Variants in DHRSX observed in about 807,000 individuals in gnomAD.
The protein encoded by DHRSX is dehydrogenase/reductase X-linked, also known as polyprenol dehydrogenase.
A neutral mutation model predicts 34.0 loss-of-function variants in DHRSX; 31 were observed. The observed-to-expected ratio is 0.91, with a 90% CI of 0.69 to 1.23. The LOEUF is 1.23. DHRSX is among the 50% of genes most tolerant of loss of function. The pLI, the probability that DHRSX is intolerant of heterozygous loss-of-function variation, is 0.00. For missense variants in DHRSX, 414 were observed against 428.1 expected (o/e 0.97, Z 0.29); for synonymous variants, 201 against 183.8 (o/e 1.09, Z -0.76).
chrX:2,225,856 G>A (rs756239031), intron 6 of DHRSX, among the ~76,000 whole-genome samples: 31 of 152,130 alleles, frequency 2.0e-4, no homozygotes, highest in African/African-American at 7.0e-4. Context: ...AACGTCTGTT[G>A]TTTATAAGCC....
rs772130158 is a variant in DHRSX, at chrX:2,376,087, T to C, written c.286+32658A>G. On this transcript the variant is annotated intron_variant, in intron 3 of 6. Transcript: ENST00000334651. ...ATTTTCCTAGGGGCTCTTGTTCTGG[T>C]AGAAGAACAACTTCCCGCTGCCTGC... 2.2e-5 allele frequency among the ~76,000 whole-genome samples: 3 copies of C among 137,764 alleles called. 1 individual carries two copies. The South Asian group carries it at 6.9e-4, about 31-fold the overall frequency. 90.4% of individuals were successfully genotyped at this position (137,764 alleles called of 152,430 possible).
At chrX:2,449,508 T>G (rs2044187810) in intron 1 of DHRSX, among the ~76,000 whole-genome samples, 1 of 152,138 alleles carries the variant, frequency 6.6e-6, no homozygotes, top group Non-Finnish European at 1.5e-5. Flanking sequence ...TTATTGTGGT[T>G]GAGACAGGGT....
chrX:2,429,990 G>C lies in DHRSX; in HGVS notation c.110-4686C>G, dbSNP rs35896095. Among the ~76,000 whole-genome samples the C allele has an allele frequency of 5.9e-3, 897 of 152,264 alleles. 4 individuals carry two copies. The highest frequency in any genetic ancestry group is 0.02 in the Middle Eastern group (6 of 294). On this transcript the variant is annotated intron_variant, in intron 1 of 6. Transcript: ENST00000334651. ...ACACAAACAATTGGCAGGTTAAAAA[G>C]GTAGGGGAAGAGACAGTCCTGCTTA...
chrX:2,479,553 G>T (rs1165643082), intron 1 of DHRSX, among the ~76,000 whole-genome samples: 2 of 147,972 alleles, frequency 1.4e-5, no homozygotes, highest in Admixed American at 1.4e-4. Flanking sequence ...TGTGCACACT[G>T]AAGACATTCC....
At chrX:2,328,086 A>AAAAAAAAT (rs1211866075) in intron 3 of DHRSX, among the ~76,000 whole-genome samples, 1 of 151,424 alleles carries the variant, frequency 6.6e-6, no homozygotes, top group Non-Finnish European at 1.5e-5. Context: ...TCTCAAAAAA[A>AAAAAAAAT]AAAAGAGGAG....
At chrX:2,329,838 C>G (rs945995917) in intron 3 of DHRSX, among the ~76,000 whole-genome samples, 2 of 152,008 alleles carry the variant, frequency 1.3e-5, no homozygotes, top group African/African-American at 2.4e-5. Flanking sequence ...TCCTTACATG[C>G]ATAAAACAGT....
intron 4 of DHRSX, among the ~76,000 whole-genome samples, chrX:2,271,278 C>T (rs1029122783): frequency 2.6e-4 from 40 of 152,178 alleles, no homozygotes; most frequent in Non-Finnish European, 5.6e-4. Context: ...TAACACTCAC[C>T]GTGAGGGTCT....
intron 3 of DHRSX, chrX:2,334,570 C>G (rs1285760877): frequency 6.6e-6 from 1 of 152,106 alleles, no homozygotes; most frequent in Non-Finnish European, 1.5e-5. Flanking sequence ...CCTCCCGCCT[C>G]AACCTCCCCA....
intron 5 of DHRSX, among the ~76,000 whole-genome samples, chrX:2,243,515 C>T: frequency 6.6e-6 from 1 of 151,630 alleles, no homozygotes. Context: ...AGACAGAGTC[C>T]CCCCTCTGTC....
At chrX:2,419,332 C>G (rs1032281178) in intron 2 of DHRSX, among the ~76,000 whole-genome samples, 1 of 152,144 alleles carries the variant, frequency 6.6e-6, no homozygotes, top group African/African-American at 2.4e-5. Flanking sequence ...ACCACACTGA[C>G]CCCCTGGTCT....
Position 2,221,330 on chromosome X carries a change from C to T in DHRSX, c.805-101G>A. 3 of 1,201,936 alleles carry T rather than the reference C, an allele frequency of 2.5e-6. No individual in the cohort carries two copies. The Admixed American group carries it at 6.5e-5, about 26-fold the overall frequency. The allele number at this position is 1,201,936 out of a possible 1,614,324, so 74.5% of individuals were successfully genotyped here. A position where few individuals can be genotyped will look rare whatever the true frequency, so the allele number is the denominator to read the frequency against. On this transcript the variant is annotated intron_variant, in intron 6 of 6. Coordinates refer to ENST00000334651, the MANE Select transcript of DHRSX (RefSeq NM_145177.3). ...ATGCTGCAGGGACAGGTGGAATATA[C>T]TCATCAGCTGCACTGAGAAATGTAT... is the stretch of plus-strand genomic sequence containing the variant.
intron 1 of DHRSX, among the ~76,000 whole-genome samples, chrX:2,444,095 C>T (rs944340509): frequency 6.6e-6 from 1 of 151,732 alleles, no homozygotes; most frequent in African/African-American, 2.4e-5. Context: ...AAATAACCTA[C>T]CATCACCGTT....
At chrX:2,408,187 T>A (rs778941609) in intron 3 of DHRSX, among the ~76,000 whole-genome samples, 2 of 152,030 alleles carry the variant, frequency 1.3e-5, no homozygotes, top group African/African-American at 4.8e-5. Context: ...GCGATTCTCC[T>A]GCCTCAGCCT....
At chrX:2,252,464 C>T (rs1455230925) in intron 5 of DHRSX, among the ~76,000 whole-genome samples, 1 of 152,166 alleles carries the variant, frequency 6.6e-6, no homozygotes, top group Non-Finnish European at 1.5e-5. Flanking sequence ...GACTGGCTTT[C>T]CTGCTGGCAT....
chrX:2,372,011 C>A (rs1187680209), intron 3 of DHRSX, among the ~76,000 whole-genome samples: 1 of 152,154 alleles, frequency 6.6e-6, no homozygotes, highest in Non-Finnish European at 1.5e-5. Flanking sequence ...CTGAGTTTTT[C>A]TTTTCCCTTA....
rs756519849 is a variant in DHRSX, at chrX:2,374,477, G to T, written c.286+34268C>A. 1.3e-4 allele frequency among the ~76,000 whole-genome samples: 20 copies of T among 150,332 alleles called. No homozygotes were observed. The Admixed American group carries it at 1.3e-3, about 10-fold the overall frequency. On this transcript the variant is annotated intron_variant, in intron 3 of 6. Transcript: ENST00000334651. ...TGAGCAGCCGGGCACAGTGACTCAC[G>T]CCTGTAATCCCAGCACTTTGGGAGG... is the stretch of plus-strand genomic sequence containing the variant.
intron 3 of DHRSX, among the ~76,000 whole-genome samples, chrX:2,369,612 T>A (rs1190525202): frequency 1.3e-5 from 2 of 152,094 alleles, no homozygotes; most frequent in African/African-American, 4.8e-5. Context: ...TTCCCCTGCC[T>A]CAGCCTCCTA....
chrX:2,378,017 C>A (rs936458540), intron 3 of DHRSX, among the ~76,000 whole-genome samples: 1 of 152,144 alleles, frequency 6.6e-6, no homozygotes, highest in Non-Finnish European at 1.5e-5. Flanking sequence ...GGATAACAGG[C>A]ATGAGCCACT....
intron 3 of DHRSX, among the ~76,000 whole-genome samples, chrX:2,358,904 G>A (rs931633686): frequency 4.7e-5 from 7 of 150,508 alleles, no homozygotes; most frequent in East Asian, 2.0e-4. Flanking sequence ...AGCCGAGATC[G>A]CGCCACCGCA....
Sources: allele counts gnomAD v4.1 joint callset (sites outside exome capture counted in the v4.1 genomes callset), GRCh38; gene constraint gnomAD v4.1.1; transcripts MANE v1.5; gene names NCBI Gene and HGNC (gene_info 2026-07-23, HGNC 2026-07-21).